Variants in VWC2L observed in about 807,000 individuals in gnomAD.
VWC2L encodes von Willebrand factor C domain containing 2 like.
In VWC2L, 10 loss-of-function variants were observed where a neutral mutation model predicts 21.6. The observed-to-expected ratio is 0.46, with a 90% CI of 0.29 to 0.78. The LOEUF is 0.78. VWC2L is among the 30% of genes least tolerant of loss of function. The pLI is 0.10. For synonymous variants in VWC2L, 96 were observed against 94.3 expected, an observed-to-expected ratio of 1.02 and a Z score of -0.10; for missense variants, 209 against 277.1, an observed-to-expected ratio of 0.75 and a Z score of 1.74.
chr2:214,427,775 T>G (rs1429577884), intron 2 of VWC2L, among the ~76,000 whole-genome samples: 1 of 152,214 alleles, frequency 6.6e-6, no homozygotes, highest in African/African-American at 2.4e-5. Flanking sequence ...CCCATACACT[T>G]TAAACTATTT....
At chr2:214,562,196 A>T (rs981136182) in intron 3 of VWC2L, among the ~76,000 whole-genome samples, 1 of 151,072 alleles carries the variant, frequency 6.6e-6, no homozygotes, top group East Asian at 1.9e-4. Context: ...GTTCCCCTCC[A>T]TGTGTTCTCA....
In VWC2L at chr2:214,438,134, T is replaced by G. The variant is rs74794802; in HGVS notation, c.520+1376T>G. On this transcript the variant is annotated intron_variant, in intron 3 of 3. Transcript: ENST00000312504. ...AAGGGACTGAAGAAACTGGAAAAGA[T>G]ACAAGAAAGAACAATAAGAGGATTT... Among the ~76,000 whole-genome samples, 558 of 152,064 alleles carry G rather than the reference T, an allele frequency of 3.7e-3. 3 individuals carry two copies. The highest frequency in any genetic ancestry group is 0.012 in the African/African-American group (514 of 41,522).
At chr2:214,444,497 C>T (rs1172025250) in intron 3 of VWC2L, among the ~76,000 whole-genome samples, 1 of 151,896 alleles carries the variant, frequency 6.6e-6, no homozygotes, top group Non-Finnish European at 1.5e-5. Flanking sequence ...GGTTATCTAA[C>T]AATAAATTAA....
chr2:214,559,946 A>T, intron 3 of VWC2L, among the ~76,000 whole-genome samples: 1 of 152,172 alleles, frequency 6.6e-6, no homozygotes, highest in East Asian at 1.9e-4. Context: ...AGAAGGAAAT[A>T]TGTTTGTCTT....
intron 2 of VWC2L, among the ~76,000 whole-genome samples, chr2:214,432,741 G>A (rs1702618651): frequency 6.6e-6 from 1 of 152,120 alleles, no homozygotes; most frequent in Non-Finnish European, 1.5e-5. Flanking sequence ...TGCATTTAGG[G>A]CCAGGCACAG....
At chr2:214,511,280 A>AG (rs1272137225) in intron 3 of VWC2L, among the ~76,000 whole-genome samples, 3 of 152,148 alleles carry the variant, frequency 2.0e-5, no homozygotes, top group Non-Finnish European at 4.4e-5. Flanking sequence ...AGAAAAAAAA[A>AG]TTGTTAAAGT....
At chr2:214,507,242 C>T (rs1242493354) in intron 3 of VWC2L, among the ~76,000 whole-genome samples, 3 of 152,082 alleles carry the variant, frequency 2.0e-5, no homozygotes, top group Non-Finnish European at 4.4e-5. Context: ...AAGGGAATCT[C>T]TAATAAGTTT....
chr2:214,539,062 T>C (rs1206855025), intron 3 of VWC2L, among the ~76,000 whole-genome samples: 5 of 152,156 alleles, frequency 3.3e-5, no homozygotes, highest in Non-Finnish European at 7.4e-5. Context: ...TGCTGCCTCA[T>C]AAAATTAAGC....
chr2:214,487,525 G>A (rs1012519734), intron 3 of VWC2L, among the ~76,000 whole-genome samples: 3 of 152,320 alleles, frequency 2.0e-5, no homozygotes, highest in African/African-American at 7.2e-5. Context: ...ACCCTGAGAA[G>A]AGTGACACAA....
chr2:214,515,928 T>G (rs944406192), intron 3 of VWC2L, among the ~76,000 whole-genome samples: 3 of 152,102 alleles, frequency 2.0e-5, no homozygotes, highest in African/African-American at 7.2e-5. Context: ...TCTTGGAAAT[T>G]TGAACACAAC....
At chr2:214,540,282 C>G (rs972177731) in intron 3 of VWC2L, among the ~76,000 whole-genome samples, 1 of 152,076 alleles carries the variant, frequency 6.6e-6, no homozygotes, top group African/African-American at 2.4e-5. Flanking sequence ...GTGCATTAAT[C>G]TTTCTTAAAC....
In VWC2L at chr2:214,476,913, G is replaced by A. The variant is rs867692457; in HGVS notation, c.520+40155G>A. 4.6e-5 allele frequency among the ~76,000 whole-genome samples: 7 copies of A among 152,246 alleles called. No homozygotes were observed. In the South Asian group the frequency reaches 1.5e-3, roughly 32 times the overall value. Reference sequence around the variant, plus strand: ...CAATTTGCGGTGTAGCTGATGCTGAGGTGTTCTTTCCACATCCAAGAGCAT... The same window carrying A: ...CAATTTGCGGTGTAGCTGATGCTGAAGTGTTCTTTCCACATCCAAGAGCAT... On this transcript the variant is annotated intron_variant, in intron 3 of 3. Transcript: ENST00000312504.
At chr2:214,550,808 C>T (rs1038793489) in intron 3 of VWC2L, among the ~76,000 whole-genome samples, 2 of 152,182 alleles carry the variant, frequency 1.3e-5, no homozygotes, top group Non-Finnish European at 2.9e-5. Flanking sequence ...CTGAACAGAG[C>T]GCACGTTCAG....
At chr2:214,511,079 G>C (rs1336361153) in intron 3 of VWC2L, among the ~76,000 whole-genome samples, 1 of 151,944 alleles carries the variant, frequency 6.6e-6, no homozygotes, top group East Asian at 1.9e-4. Flanking sequence ...TTGAGCTTAA[G>C]AGTCTGAGAC....
Position 214,563,546 on chromosome 2 carries a change from C to CAAA in VWC2L, c.521-12093_521-12091dup, listed in dbSNP as rs55864016. Among the ~76,000 whole-genome samples the CAAA allele has an allele frequency of 2.4e-3, 227 of 95,838 alleles. 18 individuals are homozygous for CAAA. The highest frequency in any genetic ancestry group is 8.8e-3 in the African/African-American group (208 of 23,766). 62.9% of individuals were successfully genotyped at this position (95,838 alleles called of 152,430 possible). A position where few individuals can be genotyped will look rare whatever the true frequency, so the allele number is the denominator to read the frequency against. On this transcript the variant is annotated intron_variant, in intron 3 of 3. Transcript: ENST00000312504. ...TGGGTGACACAGCAAGACTCCGTCT[C>CAAA]AAAAAAAAAAAAAAAAAAAAAAAAA...
At chr2:214,466,290 T>C (rs1392986208) in intron 3 of VWC2L, among the ~76,000 whole-genome samples, 1 of 152,150 alleles carries the variant, frequency 6.6e-6, no homozygotes, top group Admixed American at 6.5e-5. Flanking sequence ...TTCTTTTCAG[T>C]ACTTTGAAGA....
chr2:214,450,684 G>A (rs1209362676), intron 3 of VWC2L, among the ~76,000 whole-genome samples: 1 of 152,154 alleles, frequency 6.6e-6, no homozygotes, highest in African/African-American at 2.4e-5. Context: ...GGGCTCCTGG[G>A]AGAGATGCCT....
chr2:214,518,922 C>T (rs1689187882), intron 3 of VWC2L, among the ~76,000 whole-genome samples: 1 of 152,068 alleles, frequency 6.6e-6, no homozygotes, highest in Admixed American at 6.5e-5. Context: ...CTTTATTTTC[C>T]ACATGCCCAT....
At chr2:214,488,694 A>G (rs1272065767) in intron 3 of VWC2L, among the ~76,000 whole-genome samples, 1 of 152,220 alleles carries the variant, frequency 6.6e-6, no homozygotes, top group Admixed American at 6.5e-5. Flanking sequence ...TTTAGAAAGA[A>G]AAAAGGTTTA....
Sources: gnomAD v4.1 joint callset for allele counts (sites outside exome capture counted in the v4.1 genomes callset) on GRCh38, gnomAD v4.1.1 for gene constraint, MANE v1.5 for transcripts, NCBI Gene and HGNC (gene_info 2026-07-23, HGNC 2026-07-21) for gene names.